Variants in RNF180 observed in about 807,000 individuals in gnomAD.
RNF180 encodes ring finger protein 180.
Under a neutral mutation model 59.2 loss-of-function variants are expected in RNF180, and 38 were observed. The ratio of observed to expected loss-of-function variants is 0.64; its 90% CI spans 0.50 to 0.84. The LOEUF is 0.84. Among genes scored for constraint, RNF180 ranks in the 40% least tolerant of loss-of-function variants. The probability of loss-of-function intolerance (pLI) is 0.00; values close to 1 mark genes in which losing one functional copy is unlikely to be tolerated. For synonymous variants in RNF180, 262 were observed against 240.3 expected (o/e 1.09, Z -0.84); for missense variants, 705 against 700.9 (o/e 1.01, Z -0.07).
chr5:64,312,415 C>T lies in RNF180; in HGVS notation c.1228-12771C>T, dbSNP rs534438141. On this transcript the variant is annotated intron_variant, in intron 5 of 7. Transcript: ENST00000389100. ...TCAGAGCCTGGGACAGTACCTGGTACGTAGTACACATTCAAATATTTGTTA... is the reference window on the plus strand; with the variant it reads ...TCAGAGCCTGGGACAGTACCTGGTATGTAGTACACATTCAAATATTTGTTA... Among the ~76,000 whole-genome samples the T allele has an allele frequency of 1.7e-4, 26 of 152,036 alleles. No homozygotes were observed. In the South Asian group the frequency reaches 5.2e-3, roughly 30 times the overall value.
At chr5:64,269,865 G>A (rs1744909119) in intron 5 of RNF180, among the ~76,000 whole-genome samples, 1 of 152,038 alleles carries the variant, frequency 6.6e-6, no homozygotes, top group African/African-American at 2.4e-5. Flanking sequence ...ACTTTAGTTC[G>A]GAACTTAAAG....
At chr5:64,278,670 A>G (rs1205485240) in intron 5 of RNF180, among the ~76,000 whole-genome samples, 4 of 152,252 alleles carry the variant, frequency 2.6e-5, no homozygotes, top group Non-Finnish European at 4.4e-5. Context: ...TCGTGGTAAC[A>G]GTAATTAAGA....
At chr5:64,356,552 A>G (rs756074738) in intron 7 of RNF180, among the ~76,000 whole-genome samples, 20 of 151,908 alleles carry the variant, frequency 1.3e-4, no homozygotes, top group African/African-American at 4.8e-4. Flanking sequence ...TTGTATGCCA[A>G]TGTTCATTGC....
chr5:64,198,701 A>G (rs1222181173), intron 1 of RNF180, among the ~76,000 whole-genome samples: 1 of 152,158 alleles, frequency 6.6e-6, no homozygotes, highest in Non-Finnish European at 1.5e-5. Flanking sequence ...TAAAAGGGAG[A>G]TGAAGATAAA....
At chr5:64,362,475 A>T (rs1746296073) in intron 7 of RNF180, among the ~76,000 whole-genome samples, 1 of 151,746 alleles carries the variant, frequency 6.6e-6, no homozygotes, top group Admixed American at 6.6e-5. Context: ...TATTTTCTTT[A>T]TCCAGTCTAC....
intron 5 of RNF180, among the ~76,000 whole-genome samples, chr5:64,314,172 C>T (rs1743923031): frequency 6.6e-6 from 1 of 152,062 alleles, no homozygotes; most frequent in Non-Finnish European, 1.5e-5. Flanking sequence ...GTGAAATTTT[C>T]CACTTGTGGT....
intron 7 of RNF180, among the ~76,000 whole-genome samples, chr5:64,332,971 A>G (rs1744972007): frequency 1.3e-5 from 2 of 152,208 alleles, no homozygotes; most frequent in African/African-American, 2.4e-5. Context: ...CAGAGCCCCT[A>G]TGATTGTGGC....
intron 1 of RNF180, among the ~76,000 whole-genome samples, chr5:64,170,172 T>C (rs1749866947): frequency 6.6e-6 from 1 of 152,242 alleles, no homozygotes; most frequent in East Asian, 1.9e-4. Flanking sequence ...CCCAGTTCTG[T>C]TGTTTGTGGA....
At chr5:64,223,384 T>C (rs1052592017) in intron 5 of RNF180, among the ~76,000 whole-genome samples, 2 of 152,242 alleles carry the variant, frequency 1.3e-5, no homozygotes, top group Non-Finnish European at 2.9e-5. Flanking sequence ...AGGTAGTACA[T>C]TCACAGGATC....
intron 2 of RNF180, among the ~76,000 whole-genome samples, chr5:64,206,810 G>GT (rs1462589812): frequency 6.6e-6 from 1 of 152,218 alleles, no homozygotes; most frequent in African/African-American, 2.4e-5. Context: ...GACACAGTGA[G>GT]TAAGCAGCCA....
intron 5 of RNF180, among the ~76,000 whole-genome samples, chr5:64,220,552 TAAA>T (rs1752853574): frequency 6.6e-6 from 1 of 152,096 alleles, no homozygotes; most frequent in Non-Finnish European, 1.5e-5. Flanking sequence ...AGGAAATTAA[TAAA>T]AATTTTAATC....
In RNF180 at chr5:64,214,029, A is replaced by G. The variant is rs2112117911; in HGVS notation, c.703A>G (p.Ile235Val). Residue 235 changes from isoleucine (I) to valine (V), a missense_variant, in exon 4 of 8, where the codon ATC becomes GTC. Physicochemically the swap from Ile to Val is conservative, Grantham distance 29. Coordinates refer to ENST00000389100, the MANE Select transcript of RNF180 (RefSeq NM_001113561.2). The part of the protein sequence containing the change: ...HRKSHSLDLN[I>V]SEKLTLLPTL... ...AAAATCACATAGTTTGGATCTGAACATCAGTGAGAAACTGACTTTATTACC... is the reference window on the plus strand; with the variant it reads ...AAAATCACATAGTTTGGATCTGAACGTCAGTGAGAAACTGACTTTATTACC... 6.2e-7 allele frequency: 1 copy of G among 1,614,170 alleles called. No individual in the cohort carries two copies. The highest frequency in any genetic ancestry group is 8.5e-7 in the Non-Finnish European group (1 of 1,180,016).
At chr5:64,348,606 A>AT (rs1408869969) in intron 7 of RNF180, among the ~76,000 whole-genome samples, 1 of 151,894 alleles carries the variant, frequency 6.6e-6, no homozygotes, top group Non-Finnish European at 1.5e-5. Context: ...AGCAATAGCG[A>AT]TTTTTTTTAA....
chr5:64,228,940 G>GTTTTTTTTTTTA (rs1741945188), intron 5 of RNF180, among the ~76,000 whole-genome samples: 1 of 29,394 alleles, frequency 3.4e-5, no homozygotes. Flanking sequence ...TTTTTTTTTT[G>GTTTTTTTTTTTA]AGACAAGGTC....
At chr5:64,245,434 C>T (rs890934249) in intron 5 of RNF180, among the ~76,000 whole-genome samples, 2 of 152,086 alleles carry the variant, frequency 1.3e-5, no homozygotes, top group Non-Finnish European at 2.9e-5. Flanking sequence ...ATTTAACAAG[C>T]ACATGGAAAG....
intron 5 of RNF180, among the ~76,000 whole-genome samples, chr5:64,237,945 G>A (rs1156722277): frequency 6.6e-6 from 1 of 151,994 alleles, no homozygotes; most frequent in East Asian, 1.9e-4. Context: ...GGCCTCCCTA[G>A]CTATGTGGAA....
intron 5 of RNF180, among the ~76,000 whole-genome samples, chr5:64,318,826 T>C (rs942504471): frequency 6.6e-6 from 1 of 152,164 alleles, no homozygotes; most frequent in Non-Finnish European, 1.5e-5. Context: ...TGAAGCAAAT[T>C]GATTTTTTAA....
intron 5 of RNF180, among the ~76,000 whole-genome samples, chr5:64,256,977 G>A (rs902487921): frequency 7.9e-5 from 12 of 152,154 alleles, no homozygotes; most frequent in Non-Finnish European, 1.3e-4. Flanking sequence ...GTGAATGGGA[G>A]TTCACTCCTG....
intron 1 of RNF180, among the ~76,000 whole-genome samples, chr5:64,168,591 G>A (rs1749771125): frequency 6.6e-6 from 1 of 152,090 alleles, no homozygotes; most frequent in Admixed American, 6.6e-5. Context: ...CATCATACTG[G>A]AACAATGTTA....
Sources: gnomAD v4.1 joint callset for allele counts (sites outside exome capture counted in the v4.1 genomes callset) on GRCh38, gnomAD v4.1.1 for gene constraint, MANE v1.5 for transcripts, NCBI Gene and HGNC (gene_info 2026-07-23, HGNC 2026-07-21) for gene names.